Variants in PDILT observed in about 807,000 individuals in gnomAD.
PDILT encodes the protein protein disulfide isomerase like, testis expressed, also known as protein disulfide-isomerase-like protein of the testis.
PDILT carries 43 observed loss-of-function variants against 53.7 expected under a neutral mutation model. The ratio of observed to expected loss-of-function variants is 0.80; its 90% confidence interval spans 0.63 to 1.03. The LOEUF (loss-of-function observed/expected upper bound fraction) is 1.03. Among genes scored for constraint, PDILT ranks in the 50% least tolerant of loss-of-function variants. PDILT has a pLI of 0.00. For missense variants in PDILT, 727 were observed against 712.3 expected, an observed-to-expected ratio of 1.02 and a Z score of -0.24; for synonymous variants, 282 against 274.2, an observed-to-expected ratio of 1.03 and a Z score of -0.28.
chr16:20,365,628 G>T, intron 8 of PDILT, 88 bp from the exon 9 acceptor site: 1 of 1,473,220 alleles, frequency 6.8e-7, no homozygotes, highest in Non-Finnish European at 9.3e-7. Context: ...ACCACTAAAG[G>T]TTTTCTCGTG....
Position 20,384,854 on chromosome 16 carries a change from G to GA in PDILT, c.203-4dup. On this transcript the variant is annotated splice_polypyrimidine_tract_variant and splice_region_variant and intron_variant, in intron 2 of 11. Transcript: ENST00000302451. ...GGATTGCTTTGAGGATGGGTTGTCT[G>GA]AAAGAGTATGAAGACAAAATTTGAG... 1 of 1,614,022 alleles carries GA rather than the reference G, an allele frequency of 6.2e-7. No individual in the cohort carries two copies. Among genetic ancestry groups the GA allele is most frequent in the Non-Finnish European group, 8.5e-7 (1 of 1,179,866 alleles).
Position 20,376,129 on chromosome 16 carries a change from C to T in PDILT, c.482G>A (p.Ser161Asn). The stretch of plus-strand genomic sequence containing the variant: ...CACAAACTCTGCCACCTGCTCGCTG[C>T]TGTTGAACAAAAATGCTTTCTGGCT... Reference protein sequence around the residue: ...QISQKAFLFNSSEQVAEFVIS... With the variant: ...QISQKAFLFNNSEQVAEFVIS... The change falls in exon 4 of 12, where the codon AGC becomes AAC. Residue 161 changes from serine (S) to asparagine (N), a missense_variant. Physicochemically the swap from Ser to Asn is conservative, Grantham distance 46 (BLOSUM62 1). Transcript: ENST00000302451. 1 of 1,614,192 alleles carries T rather than the reference C, an allele frequency of 6.2e-7. No individual in the cohort carries two copies. The highest frequency in any genetic ancestry group is 1.1e-5 in the South Asian group (1 of 91,074).
chr16:20,375,998 A>T, intron 4 of PDILT, 70 bp downstream of exon 4: 1 of 1,577,876 alleles, frequency 6.3e-7, no homozygotes. Context: ...GAGTCTCCTC[A>T]CACCACCCCC....
At chr16:20,381,508 T>C (rs1966460817) in intron 3 of PDILT, among the ~76,000 whole-genome samples, 1 of 151,838 alleles carries the variant, frequency 6.6e-6, no homozygotes, top group South Asian at 2.1e-4. Flanking sequence ...TGGTGGCACA[T>C]GCCTGTAGTC....
chr16:20,396,015 AT>A (rs1356124532), intron 2 of PDILT, among the ~76,000 whole-genome samples: 2 of 152,250 alleles, frequency 1.3e-5, no homozygotes, highest in African/African-American at 2.4e-5. Flanking sequence ...AGACATCACC[AT>A]TAGCAGATTC....
At chr16:20,397,032 T>A (rs1308700759) in intron 2 of PDILT, among the ~76,000 whole-genome samples, 1 of 152,234 alleles carries the variant, frequency 6.6e-6, no homozygotes, top group Non-Finnish European at 1.5e-5. Flanking sequence ...GAAGCCAACA[T>A]CTTCTTAAGT....
intron 9 of PDILT, 37 bp from the exon 10 acceptor site, chr16:20,362,619 T>G: frequency 6.2e-7 from 1 of 1,606,154 alleles, no homozygotes; most frequent in Non-Finnish European, 8.5e-7. Context: ...CTCACATTGA[T>G]GAAGATCCAG....
chr16:20,361,131 T>C (rs1430491614), intron 10 of PDILT, among the ~76,000 whole-genome samples: 1 of 152,032 alleles, frequency 6.6e-6, no homozygotes, highest in Non-Finnish European at 1.5e-5. Context: ...GGAAGAATAG[T>C]TCTTTTCGGA....
Position 20,399,171 on chromosome 16 carries a change from T to A in PDILT, c.130A>T (p.Ser44Cys), listed in dbSNP as rs138467967. ...CCAGCGGGCGTTAGCACTAGGAGAC[T>A]GCGTTCCTCCAGGATGTGCACAGGC... The part of the protein sequence containing the change: ...TKPVHILEER[S>C]LLVLTPAGLT... Residue 44 changes from serine to cysteine, a missense_variant, in exon 2 of 12, where the codon AGT (serine) becomes TGT (cysteine). Ser to Cys is a moderately radical substitution (Grantham distance 112, BLOSUM62 -1). Coordinates refer to ENST00000302451, the MANE Select transcript of PDILT (RefSeq NM_174924.2). 1 of 1,614,074 alleles carries A rather than the reference T, an allele frequency of 6.2e-7. No individual in the cohort carries two copies. Among genetic ancestry groups the A allele is most frequent in the African/African-American group, 1.3e-5 (1 of 74,928 alleles).
intron 2 of PDILT, among the ~76,000 whole-genome samples, chr16:20,396,989 C>A (rs1445949273): frequency 6.6e-6 from 1 of 152,170 alleles, no homozygotes; most frequent in African/African-American, 2.4e-5. Flanking sequence ...CCTTGTTGTA[C>A]AGGTGAGAAA....
chr16:20,369,766 A>G lies in PDILT; in HGVS notation c.919-77T>C, dbSNP rs1966276326. On this transcript the variant is annotated intron_variant, in intron 7 of 11. Coordinates refer to ENST00000302451, the MANE Select transcript of PDILT (RefSeq NM_174924.2). ...AAAACTGCTGAAAGGCTGTGGACTAAGGGGATGCACATGGTGGGGTCTGTG... is the reference window on the plus strand; with the variant it reads ...AAAACTGCTGAAAGGCTGTGGACTAGGGGGATGCACATGGTGGGGTCTGTG... 3 of 1,440,792 alleles carry G rather than the reference A, an allele frequency of 2.1e-6. No homozygotes were observed. In the Admixed American group the frequency reaches 5.1e-5, roughly 24 times the overall value. 89.3% of individuals were successfully genotyped at this position (1,440,792 alleles called of 1,614,324 possible).
At position 20,365,527 on chromosome 16, in the gene PDILT, C is replaced by CAAAATCAATTT; in HGVS notation, c.1129_1130insAAATTGATTTT (p.Ser377LysfsTer27). On this transcript the variant is annotated frameshift_variant, in exon 9 of 12. Transcript: ENST00000302451. LOFTEE classifies it high-confidence loss of function. ...GTCCCAGTATTTTGGAATCTCTTCA[C>CAAAATCAATTT]TGGATTGATGTTTCTAGGAAGCACA... 1.2e-6 allele frequency: 2 copies of CAAAATCAATTT among 1,614,178 alleles called. No individual in the cohort carries two copies. The highest frequency in any genetic ancestry group is 1.7e-6 in the Non-Finnish European group (2 of 1,180,002).
chr16:20,376,264 T>C (rs1303815173), intron 3 of PDILT, 63 bp from the exon 4 acceptor site: 1 of 1,591,170 alleles, frequency 6.3e-7, no homozygotes, highest in Non-Finnish European at 8.6e-7. Context: ...AGCAAGAAGC[T>C]GGTCTTTCTC....
chr16:20,397,509 C>T (rs983243265), intron 2 of PDILT, among the ~76,000 whole-genome samples: 11 of 152,136 alleles, frequency 7.2e-5, no homozygotes, highest in African/African-American at 2.7e-4. Flanking sequence ...TCAAGATCAC[C>T]AGCCCAAGGC....
At chr16:20,380,376 T>C (rs1285398276) in intron 3 of PDILT, among the ~76,000 whole-genome samples, 1 of 152,128 alleles carries the variant, frequency 6.6e-6, no homozygotes, top group East Asian at 1.9e-4. Context: ...CTCACTCTGT[T>C]GCCCAGGCTG....
intron 3 of PDILT, among the ~76,000 whole-genome samples, chr16:20,378,813 A>T (rs1159921700): frequency 1.3e-5 from 2 of 152,106 alleles, no homozygotes; most frequent in African/African-American, 4.8e-5. Context: ...GTAGTATTCC[A>T]TTGCCACCTT....
intron 8 of PDILT, among the ~76,000 whole-genome samples, chr16:20,366,971 CCTTCCTTCCTTCCTTCCTTTCTTTCTTT>C (rs1966203860): frequency 4.2e-5 from 2 of 47,632 alleles, no homozygotes; most frequent in South Asian, 4.9e-4. Flanking sequence ...TTCCTTCCTT[CCTTCCTTCCTTCCTTCCTTTCTTTCTTT>C]CTTTATTTAT....
At position 20,380,626 on chromosome 16, in the gene PDILT, G is replaced by A. The variant is rs144260214; in HGVS notation, c.409+4019C>T. On this transcript the variant is annotated intron_variant, in intron 3 of 11. Coordinates refer to ENST00000302451, the MANE Select transcript of PDILT (RefSeq NM_174924.2). ...GCTGGGATTACAGGCGTGAGCCACC[G>A]TGCCCAGCCGAGCTACCCTATTTTC... is the stretch of plus-strand genomic sequence containing the variant. 5.2e-3 allele frequency among the ~76,000 whole-genome samples: 788 copies of A among 152,296 alleles called. 16 individuals carry two copies. The South Asian group carries it at 0.062, about 12-fold the overall frequency.
chr16:20,403,586 A>G (rs1327497618), intron 1 of PDILT, among the ~76,000 whole-genome samples: 1 of 152,090 alleles, frequency 6.6e-6, no homozygotes, highest in Non-Finnish European at 1.5e-5. Context: ...CACCGTGCCC[A>G]GCAGAGATTT....
Sources: allele counts gnomAD v4.1 joint callset (sites outside exome capture counted in the v4.1 genomes callset), GRCh38; gene constraint gnomAD v4.1.1; transcripts MANE v1.5; gene names NCBI Gene and HGNC (gene_info 2026-07-23, HGNC 2026-07-21).